The following CNTN5 variants were observed in gnomAD, a reference collection of about 807,000 sequenced individuals.
CNTN5 encodes the protein contactin-5.
Under a neutral mutation model 129.1 loss-of-function variants are expected in CNTN5, and 77 were observed. The ratio of observed to expected loss-of-function variants is 0.60; its 90% CI spans 0.50 to 0.72. The LOEUF (loss-of-function observed/expected upper bound fraction) is 0.72. CNTN5 is among the 30% of genes least tolerant of loss of function. CNTN5 has a pLI of 0.00. For missense variants in CNTN5, 1,478 were observed against 1,328.8 expected, an observed-to-expected ratio of 1.11 and a Z score of -1.75; for synonymous variants, 509 against 465.6, an observed-to-expected ratio of 1.09 and a Z score of -1.20.
rs188684035 is a variant in CNTN5, at chr11:99,745,954, A to G, written c.56-73590A>G. Among the ~76,000 whole-genome samples the G allele has an allele frequency of 2.4e-3, 362 of 152,316 alleles. 3 individuals are homozygous for G. The highest frequency in any genetic ancestry group is 7.9e-3 in the African/African-American group (328 of 41,560). ...AGACCAGTGATGAAATTGGACTTCC[A>G]TTGGTGGAGGTGACAAATATGTTCA... On this transcript the variant is annotated intron_variant, in intron 3 of 24. Coordinates refer to ENST00000524871, the MANE Select transcript of CNTN5 (RefSeq NM_014361.4).
chr11:100,264,142 AT>A (rs1950255434), intron 17 of CNTN5, among the ~76,000 whole-genome samples: 1 of 152,080 alleles, frequency 6.6e-6, no homozygotes, highest in Non-Finnish European at 1.5e-5. Context: ...CATTTGAATT[AT>A]TTTTGTGTTT....
At chr11:100,005,601 C>G (rs2137494844) in intron 9 of CNTN5, among the ~76,000 whole-genome samples, 1 of 152,214 alleles carries the variant, frequency 6.6e-6, no homozygotes, top group East Asian at 1.9e-4. Context: ...ATTTTATTCT[C>G]AAAGCATATT....
At chr11:100,160,995 T>C (rs970604179) in intron 13 of CNTN5, among the ~76,000 whole-genome samples, 1 of 151,748 alleles carries the variant, frequency 6.6e-6, no homozygotes, top group Non-Finnish European at 1.5e-5. Context: ...TTCTTAAGAG[T>C]TTTCAGAATA....
chr11:99,772,954 A>T (rs1317610675), intron 3 of CNTN5, among the ~76,000 whole-genome samples: 2 of 151,970 alleles, frequency 1.3e-5, no homozygotes, highest in Admixed American at 6.6e-5. Flanking sequence ...TTTTTTCAGT[A>T]TTTGTAAATA....
At chr11:100,118,040 T>A (rs527701562) in intron 13 of CNTN5, among the ~76,000 whole-genome samples, 71 of 151,802 alleles carry the variant, frequency 4.7e-4, no homozygotes, top group Non-Finnish European at 7.8e-4. Flanking sequence ...TGTTTTTTTT[T>A]TCCCTTCCAT....
intron 2 of CNTN5, among the ~76,000 whole-genome samples, chr11:99,406,311 C>T (rs2406926): frequency 0.034 from 5,103 of 152,022 alleles, 283 homozygotes; most frequent in African/African-American, 0.12. Flanking sequence ...GAGGTACCAC[C>T]TTGATGGTCT....
intron 8 of CNTN5, among the ~76,000 whole-genome samples, chr11:99,963,035 T>C (rs1368193564): frequency 5.3e-5 from 8 of 152,154 alleles, no homozygotes; most frequent in African/African-American, 1.9e-4. Flanking sequence ...TTTGTTTGAG[T>C]TCATTGTAGA....
chr11:99,092,149 T>C (rs1249248549), intron 1 of CNTN5, among the ~76,000 whole-genome samples: 4 of 152,218 alleles, frequency 2.6e-5, no homozygotes, highest in African/African-American at 9.6e-5. Flanking sequence ...AGTGCAGACC[T>C]ATCATAATTG....
chr11:99,628,471 T>G (rs770301760), intron 3 of CNTN5, among the ~76,000 whole-genome samples: 1 of 152,032 alleles, frequency 6.6e-6, no homozygotes, highest in Admixed American at 6.6e-5. Context: ...CTCCAATGCT[T>G]TGTAAAACTG....
intron 6 of CNTN5, among the ~76,000 whole-genome samples, chr11:99,892,189 G>A (rs548445758): frequency 4.6e-5 from 7 of 151,842 alleles, no homozygotes; most frequent in Admixed American, 1.3e-4. Context: ...TTTTTTTCTC[G>A]TAAATTTGTT....
intron 21 of CNTN5, among the ~76,000 whole-genome samples, chr11:100,334,251 A>C (rs1951976803): frequency 6.6e-6 from 1 of 152,192 alleles, no homozygotes; most frequent in Non-Finnish European, 1.5e-5. Context: ...CTCCTGCAAC[A>C]ATGACCATAA....
intron 23 of CNTN5, among the ~76,000 whole-genome samples, chr11:100,343,536 T>C (rs1262775765): frequency 6.6e-6 from 1 of 152,092 alleles, no homozygotes; most frequent in African/African-American, 2.4e-5. Flanking sequence ...ACGCGGGTTT[T>C]CACAGGGCAG....
At chr11:99,527,284 G>A (rs1238720879) in intron 2 of CNTN5, among the ~76,000 whole-genome samples, 1 of 152,096 alleles carries the variant, frequency 6.6e-6, no homozygotes. Context: ...AGTCTTCAGG[G>A]TTTCCTTTCT....
At chr11:99,415,239 A>G (rs1400999227) in intron 2 of CNTN5, among the ~76,000 whole-genome samples, 1 of 152,184 alleles carries the variant, frequency 6.6e-6, no homozygotes, top group East Asian at 1.9e-4. Context: ...TGAATAACCT[A>G]AAGGTACATG....
chr11:99,536,854 T>A (rs1347466109), intron 2 of CNTN5, among the ~76,000 whole-genome samples: 3 of 140,440 alleles, frequency 2.1e-5, no homozygotes, highest in African/African-American at 2.7e-5. Context: ...GTAGTCACAT[T>A]AAAAAAAAAA....
At chr11:99,433,395 G>A (rs80279739) in intron 2 of CNTN5, among the ~76,000 whole-genome samples, 2 of 48,490 alleles carry the variant, frequency 4.1e-5, no homozygotes, top group Non-Finnish European at 8.1e-5. Context: ...GTGTGTGTGT[G>A]TGTGTGTCTT....
intron 6 of CNTN5, among the ~76,000 whole-genome samples, chr11:99,900,854 C>T (rs1280138725): frequency 1.3e-5 from 2 of 152,046 alleles, no homozygotes; most frequent in African/African-American, 4.8e-5. Context: ...CATCTTAATA[C>T]TCCCTTTTTT....
chr11:100,094,661 AGAAAGAAGAAAT>A (rs1398542256), intron 13 of CNTN5, among the ~76,000 whole-genome samples: 1 of 151,696 alleles, frequency 6.6e-6, no homozygotes, highest in Non-Finnish European at 1.5e-5. Flanking sequence ...GAGGGTGGAA[AGAAAGAAGAAAT>A]GAAAGAAGAA....
intron 1 of CNTN5, among the ~76,000 whole-genome samples, chr11:99,088,950 T>C (rs1053142212): frequency 2.6e-5 from 4 of 152,234 alleles, no homozygotes; most frequent in African/African-American, 9.6e-5. Flanking sequence ...ATTAGTCTCT[T>C]CATTGGGCAT....
Sources: allele counts gnomAD v4.1 joint callset (sites outside exome capture counted in the v4.1 genomes callset), GRCh38; gene constraint gnomAD v4.1.1; transcripts MANE v1.5; gene names NCBI Gene and HGNC (gene_info 2026-07-23, HGNC 2026-07-21).